The following ENOX1 variants were observed in gnomAD, a reference collection of about 807,000 sequenced individuals.
The protein encoded by ENOX1 is candidate growth-related and time keeping constitutive hydroquinone (NADH) oxidase.
In ENOX1, 42 loss-of-function variants were observed where a neutral mutation model predicts 82.5. The ratio of observed to expected loss-of-function variants is 0.51; its 90% CI spans 0.40 to 0.66. The LOEUF is 0.66. ENOX1 is among the 30% of genes least tolerant of loss of function. The pLI is 0.00. For missense variants in ENOX1, 608 were observed against 811.6 expected (o/e 0.75, Z 3.05); for synonymous variants, 271 against 282.2 (o/e 0.96, Z 0.40).
At chr13:43,476,831 T>C (rs1029509937) in intron 3 of ENOX1, among the ~76,000 whole-genome samples, 15 of 152,140 alleles carry the variant, frequency 9.9e-5, no homozygotes, top group African/African-American at 3.6e-4. Context: ...CCCAAGTGCC[T>C]CTTCTATGGT....
chr13:43,423,066 A>C (rs1316246687), intron 3 of ENOX1, among the ~76,000 whole-genome samples: 1 of 152,180 alleles, frequency 6.6e-6, no homozygotes, highest in Non-Finnish European at 1.5e-5. Flanking sequence ...AGGCTACTGT[A>C]TGCAGTTTTA....
chr13:43,431,190 A>G (rs998897432), intron 3 of ENOX1, among the ~76,000 whole-genome samples: 11 of 152,190 alleles, frequency 7.2e-5, no homozygotes, highest in African/African-American at 2.7e-4. Context: ...CATCCTTCTT[A>G]GGTGGTTTCC....
rs775228244 is a variant in ENOX1, at chr13:43,422,514, G to C, written c.-74-9526C>G. Among the ~76,000 whole-genome samples, 4 of 152,146 alleles carry C rather than the reference G, an allele frequency of 2.6e-5. No individual in the cohort carries two copies. In the South Asian group the frequency reaches 6.2e-4, roughly 24 times the overall value. ...ATCCTCCACTTTTCTACTTTGTATA[G>C]CAGCCAATTTTAAACTACAAATCAT... On this transcript the variant is annotated intron_variant, in intron 3 of 16. Coordinates refer to ENST00000690772, the MANE Select transcript of ENOX1 (RefSeq NM_001347969.2).
intron 16 of ENOX1, among the ~76,000 whole-genome samples, chr13:43,214,865 A>C (rs928313561): frequency 6.6e-6 from 1 of 152,178 alleles, no homozygotes. Context: ...TTTATACAGC[A>C]GGGCGGCCAA....
chr13:43,374,230 T>TTA (rs1555248367), intron 5 of ENOX1, among the ~76,000 whole-genome samples: 8 of 150,616 alleles, frequency 5.3e-5, no homozygotes, highest in Admixed American at 4.7e-4. Flanking sequence ...TTCTTAATCT[T>TTA]TCTTTTATCT....
At chr13:43,393,672 C>A (rs913457731) in intron 5 of ENOX1, among the ~76,000 whole-genome samples, 1 of 151,994 alleles carries the variant, frequency 6.6e-6, no homozygotes, top group Non-Finnish European at 1.5e-5. Flanking sequence ...TCTTCTAGCA[C>A]AAAGAAAGTT....
chr13:43,470,247 TAC>T (rs1293024131), intron 3 of ENOX1, among the ~76,000 whole-genome samples: 45 of 59,778 alleles, frequency 7.5e-4, no homozygotes, highest in African/African-American at 1.7e-3. Flanking sequence ...TGTATATATA[TAC>T]ATATATATAT....
intron 2 of ENOX1, among the ~76,000 whole-genome samples, chr13:43,663,767 T>C (rs966619092): frequency 6.6e-6 from 1 of 152,074 alleles, no homozygotes; most frequent in South Asian, 2.1e-4. Flanking sequence ...AGGATAATCG[T>C]AGATTTAAAA....
chr13:43,778,384 C>T (rs1487764100), intron 1 of ENOX1, among the ~76,000 whole-genome samples: 1 of 152,270 alleles, frequency 6.6e-6, no homozygotes, highest in South Asian at 2.1e-4. Context: ...CAGTCAAAAG[C>T]TTGGCATTAT....
intron 11 of ENOX1, among the ~76,000 whole-genome samples, chr13:43,313,306 T>C (rs1166270389): frequency 1.3e-5 from 2 of 152,214 alleles, no homozygotes; most frequent in Non-Finnish European, 2.9e-5. Context: ...TAAGAAATTA[T>C]AAGATTATGT....
chr13:43,525,111 C>T (rs913599401), intron 2 of ENOX1, among the ~76,000 whole-genome samples: 4 of 152,030 alleles, frequency 2.6e-5, no homozygotes, highest in Admixed American at 2.0e-4. Context: ...TGGTAAAACA[C>T]ACTTAACAAA....
intron 12 of ENOX1, 30 bp downstream of exon 12, chr13:43,298,315 CA>C (rs35698699): frequency 9.2e-3 from 12,862 of 1,395,542 alleles, no homozygotes; most frequent in South Asian, 0.028. Context: ...CTCTTTCTCT[CA>C]AAAAAAAAAA....
chr13:43,718,273 G>C (rs1348645446), intron 1 of ENOX1, among the ~76,000 whole-genome samples: 1 of 152,108 alleles, frequency 6.6e-6, no homozygotes, highest in Non-Finnish European at 1.5e-5. Context: ...GCTAATTAAT[G>C]CAACAGAAAA....
At chr13:43,557,854 A>T (rs1371502731) in intron 2 of ENOX1, among the ~76,000 whole-genome samples, 1 of 152,172 alleles carries the variant, frequency 6.6e-6, no homozygotes, top group African/African-American at 2.4e-5. Flanking sequence ...TACAAAAAAA[A>T]CCTCAATAAT....
intron 5 of ENOX1, among the ~76,000 whole-genome samples, chr13:43,390,052 T>G (rs1365202799): frequency 1.3e-5 from 2 of 152,136 alleles, no homozygotes; most frequent in Non-Finnish European, 2.9e-5. Context: ...TTATGAGAGG[T>G]CTATTATCTA....
intron 3 of ENOX1, among the ~76,000 whole-genome samples, chr13:43,430,747 T>A (rs2055606432): frequency 6.6e-6 from 1 of 152,350 alleles, no homozygotes; most frequent in African/African-American, 2.4e-5. Flanking sequence ...TACAATTTAA[T>A]AGAAAATAAA....
At chr13:43,657,386 A>C (rs1259389928) in intron 2 of ENOX1, among the ~76,000 whole-genome samples, 1 of 152,174 alleles carries the variant, frequency 6.6e-6, no homozygotes, top group Non-Finnish European at 1.5e-5. Flanking sequence ...CCAGGTATGC[A>C]ATGAGGTATG....
chr13:43,753,156 G>A (rs900214613), intron 1 of ENOX1, among the ~76,000 whole-genome samples: 1 of 152,054 alleles, frequency 6.6e-6, no homozygotes, highest in African/African-American at 2.4e-5. Context: ...CACCACGCCC[G>A]GCCTCATTGC....
At chr13:43,593,663 T>C (rs1159547148) in intron 2 of ENOX1, among the ~76,000 whole-genome samples, 13 of 28,520 alleles carry the variant, frequency 4.6e-4, no homozygotes, top group Admixed American at 1.1e-3. Context: ...TGCCACCCAA[T>C]CTCTGTACAC....
Sources: gnomAD v4.1 joint callset for allele counts (sites outside exome capture counted in the v4.1 genomes callset) on GRCh38, gnomAD v4.1.1 for gene constraint, MANE v1.5 for transcripts, NCBI Gene and HGNC (gene_info 2026-07-23, HGNC 2026-07-21) for gene names.